Variants in NEBL observed in about 807,000 individuals in gnomAD.
NEBL encodes nebulette, also known as LIM and SH3 protein 2.
In NEBL, 122 loss-of-function variants were observed where a neutral mutation model predicts 140.2. The ratio of observed to expected loss-of-function variants is 0.87; its 90% CI spans 0.75 to 1.01. NEBL has a LOEUF of 1.01. NEBL is among the 50% of genes least tolerant of loss of function. NEBL has a pLI of 0.00. For synonymous variants in NEBL, 436 were observed against 398.9 expected, an observed-to-expected ratio of 1.09 and a Z score of -1.11; for missense variants, 1,365 against 1,231.3, an observed-to-expected ratio of 1.11 and a Z score of -1.62.
In NEBL at chr10:20,961,856, G is replaced by T; in HGVS notation, c.250-77C>A. On this transcript the variant is annotated intron_variant, in intron 3 of 6. Transcript: ENST00000417816. The stretch of plus-strand genomic sequence containing the variant: ...CGGGATAGGCTGGGCCAACGAAGCT[G>T]CTGGAATTGGAAACAATGGCTAAAA... 5 of 1,079,416 alleles carry T rather than the reference G, an allele frequency of 4.6e-6. No homozygotes were observed. In the East Asian group the frequency reaches 9.5e-5, roughly 21 times the overall value. The allele number at this position is 1,079,416 out of a possible 1,614,324, so 66.9% of individuals were successfully genotyped here.
chr10:20,847,071 T>A (rs1355299245), intron 11 of NEBL, among the ~76,000 whole-genome samples: 1 of 151,944 alleles, frequency 6.6e-6, no homozygotes, highest in Non-Finnish European at 1.5e-5. Flanking sequence ...CTGTAAGAGG[T>A]TCCTTGAGGA....
At chr10:21,047,548 A>C (rs1834576522) in intron 2 of NEBL, among the ~76,000 whole-genome samples, 1 of 152,062 alleles carries the variant, frequency 6.6e-6, no homozygotes, top group Admixed American at 6.6e-5. Context: ...AAAAAAAAAA[A>C]GATTTTTTTT....
intron 2 of NEBL, among the ~76,000 whole-genome samples, chr10:21,057,329 C>T (rs1479170422): frequency 6.6e-6 from 1 of 151,808 alleles, no homozygotes; most frequent in African/African-American, 2.4e-5. Flanking sequence ...CAGGGAGATG[C>T]AGCATCTCAG....
intron 3 of NEBL, among the ~76,000 whole-genome samples, chr10:21,208,918 T>G (rs1254192716): frequency 2.0e-5 from 3 of 152,132 alleles, no homozygotes; most frequent in African/African-American, 7.2e-5. Flanking sequence ...GCTAGATAAG[T>G]CAAGACTGCT....
At chr10:21,123,157 G>T (rs1160319696) in intron 2 of NEBL, among the ~76,000 whole-genome samples, 1 of 152,084 alleles carries the variant, frequency 6.6e-6, no homozygotes, top group Non-Finnish European at 1.5e-5. Context: ...GATACCAAAG[G>T]ATGTCTATAT....
At chr10:21,253,401 G>A (rs993854160) in intron 1 of NEBL, among the ~76,000 whole-genome samples, 6 of 152,072 alleles carry the variant, frequency 3.9e-5, no homozygotes, top group East Asian at 1.9e-4. Context: ...TAATCTGGAC[G>A]CTCCTGACCA....
At chr10:20,856,838 T>C (rs1341199944) in intron 9 of NEBL, among the ~76,000 whole-genome samples, 1 of 152,160 alleles carries the variant, frequency 6.6e-6, no homozygotes, top group Middle Eastern at 3.2e-3. Flanking sequence ...TTTTATTCTA[T>C]GTATTTATTT....
At chr10:21,236,131 C>T (rs532863446) in intron 3 of NEBL, among the ~76,000 whole-genome samples, 9 of 152,240 alleles carry the variant, frequency 5.9e-5, no homozygotes, top group African/African-American at 9.6e-5. Context: ...TTCAGTAATT[C>T]TTTCTACAGG....
intron 1 of NEBL, among the ~76,000 whole-genome samples, chr10:21,260,744 A>T (rs1842727755): frequency 6.6e-6 from 1 of 152,108 alleles, no homozygotes; most frequent in African/African-American, 2.4e-5. Context: ...CATCTCCTAA[A>T]AGAGAAAAAA....
chr10:20,869,741 T>C lies in NEBL; in HGVS notation c.581A>G (p.Asn194Ser). Reference protein sequence around the residue: ...MATQISKIISNAEYKKGQGIM... With the variant: ...MATQISKIISSAEYKKGQGIM... ...TCAAGGTTTAGAAAGAGAAGTTACA[T>C]TGCTTATGATCTTAGAGATCTGGGT... The change falls in exon 6 of 28, where the codon AAT (asparagine) becomes AGT (serine). Residue 194 changes from asparagine to serine, a missense_variant and splice_region_variant. Around this residue, in one of 2 missense-constraint regions of NEBL, gnomAD observed 1,323 missense variants for 1,154.8 expected, o/e 1.15. Transcript: ENST00000377122. 3 of 1,599,466 alleles carry C rather than the reference T, an allele frequency of 1.9e-6. No individual in the cohort carries two copies. Among genetic ancestry groups the C allele is most frequent in the Middle Eastern group, 1.7e-4 (1 of 6,040 alleles).
intron 2 of NEBL, among the ~76,000 whole-genome samples, chr10:21,133,669 T>C (rs1839217896): frequency 6.6e-6 from 1 of 152,172 alleles, no homozygotes; most frequent in African/African-American, 2.4e-5. Context: ...ATATTAGCTG[T>C]TATTATCAGG....
rs1170046004 is a variant in NEBL, at chr10:21,128,118, A to G, written c.164+44265T>C. ...CTCTTATGGTACCCAGCACACATTCATTTCATTATAACCAAATTCAAAGGA... is the reference window on the plus strand; with the variant it reads ...CTCTTATGGTACCCAGCACACATTCGTTTCATTATAACCAAATTCAAAGGA... On this transcript the variant is annotated intron_variant, in intron 2 of 6. Transcript: ENST00000417816. 4.6e-5 allele frequency among the ~76,000 whole-genome samples: 7 copies of G among 152,312 alleles called. No homozygotes were observed. The East Asian group carries it at 1.4e-3, about 29-fold the overall frequency.
chr10:20,927,203 C>T (rs569342708), intron 4 of NEBL, among the ~76,000 whole-genome samples: 2 of 152,264 alleles, frequency 1.3e-5, no homozygotes, highest in East Asian at 3.9e-4. Flanking sequence ...AGGAATGGAC[C>T]ATGAGTTCAA....
intron 1 of NEBL, among the ~76,000 whole-genome samples, chr10:21,280,967 T>A (rs1033883465): frequency 6.6e-6 from 1 of 152,120 alleles, no homozygotes; most frequent in African/African-American, 2.4e-5. Flanking sequence ...TGCATCTTAA[T>A]CTGATGATAT....
chr10:20,791,688 C>T (rs759379884), intron 26 of NEBL, among the ~76,000 whole-genome samples: 51 of 152,064 alleles, frequency 3.4e-4, no homozygotes, highest in Non-Finnish European at 3.5e-4. Context: ...AGCACTGCAC[C>T]ATGCTAAGAA....
intron 2 of NEBL, among the ~76,000 whole-genome samples, chr10:21,124,966 A>T (rs946217672): frequency 3.9e-5 from 6 of 152,208 alleles, no homozygotes; most frequent in African/African-American, 7.2e-5. Context: ...TCTCTAAAAA[A>T]GAAAAAGAAA....
At chr10:21,285,838 G>A (rs1564556072) in intron 1 of NEBL, among the ~76,000 whole-genome samples, 1 of 152,126 alleles carries the variant, frequency 6.6e-6, no homozygotes. Context: ...TCCCATTTAG[G>A]GGCCACTGAG....
intron 3 of NEBL, among the ~76,000 whole-genome samples, chr10:21,186,248 A>G (rs994732291): frequency 4.1e-5 from 6 of 146,030 alleles, no homozygotes; most frequent in African/African-American, 8.0e-5. Context: ...AAAAATTTTT[A>G]TATATACAAA....
At chr10:21,248,358 A>AG (rs1339888005) in intron 2 of NEBL, among the ~76,000 whole-genome samples, 2 of 146,686 alleles carry the variant, frequency 1.4e-5, no homozygotes, top group African/African-American at 5.3e-5. Context: ...ACTCACTAGA[A>AG]AAAAAAAAAA....
Sources: gnomAD v4.1 joint callset for allele counts (sites outside exome capture counted in the v4.1 genomes callset) on GRCh38, gnomAD v4.1.1 for gene constraint, gnomAD v4.1.1 regional missense constraint, MANE v1.5 for transcripts, NCBI Gene and HGNC (gene_info 2026-07-23, HGNC 2026-07-21) for gene names.